KMT2A: variants seen among roughly 807,000 people sequenced by gnomAD.
The protein encoded by KMT2A is histone-lysine N-methyltransferase 2A.
KMT2A carries 16 observed loss-of-function variants against 345.3 expected under a neutral mutation model. The observed-to-expected ratio is 0.05, with a 90% CI of 0.03 to 0.07. KMT2A has a LOEUF of 0.07. KMT2A is among the 10% of genes least tolerant of loss of function. KMT2A has a pLI of 1.00. For missense variants in KMT2A, 3,272 were observed against 4,841.6 expected (o/e 0.68, Z 9.62); for synonymous variants, 1,599 against 1,778.6 (o/e 0.90, Z 2.54).
Position 118,491,151 on chromosome 11 carries a change from G to A in KMT2A, c.4697-45G>A. The A allele has an allele frequency of 1.2e-6, 2 of 1,602,164 alleles. No individual in the cohort carries two copies. Among genetic ancestry groups the A allele is most frequent in the Non-Finnish European group, 1.7e-6 (2 of 1,174,558 alleles). On this transcript the variant is annotated intron_variant, in intron 13 of 35. Transcript: ENST00000534358. This position sits in a 1 kb window ranked among gnomAD's most constrained non-coding sequence, Gnocchi z 4.2. ...GCAAGTCGAGGGCCGTAAAAACACG[G>A]GTATGTGAGCCAAAGCACTGCTGTA...
Position 118,473,137 on chromosome 11 carries a change from G to A in KMT2A, c.1978G>A (p.Asp660Asn). ...NFRPPPLTPEDVGFASGFSAS... is the reference protein window; with the variant it reads ...NFRPPPLTPENVGFASGFSAS... ...CCGACCCCCTCCACTAACTCCCGAG[G>A]ACGTTGGCTTTGCATCTGGTTTTTC... The change falls in exon 3 of 36, where the codon GAC (aspartate) becomes AAC (asparagine). Residue 660 changes from aspartate (D) to asparagine (N), a missense_variant. Coordinates refer to ENST00000534358, the MANE Select transcript of KMT2A (RefSeq NM_001197104.2). The surrounding 1 kb of genome is among the most constrained non-coding windows in gnomAD (Gnocchi z 5.2). 1 of 1,614,132 alleles carries A rather than the reference G, an allele frequency of 6.2e-7. No individual in the cohort carries two copies. Among genetic ancestry groups the A allele is most frequent in the Non-Finnish European group, 8.5e-7 (1 of 1,180,044 alleles).
Position 118,520,163 on chromosome 11 carries a change from G to C in KMT2A, c.11429+99G>C, listed in dbSNP as rs1950926951. The C allele has an allele frequency of 1.3e-6, 1 of 795,926 alleles. No homozygotes were observed. Among genetic ancestry groups the C allele is most frequent in the Non-Finnish European group, 2.0e-6 (1 of 489,372 alleles). The allele number at this position is 795,926 out of a possible 1,614,324, so 49.3% of individuals were successfully genotyped here. A position where few individuals can be genotyped will look rare whatever the true frequency, so the allele number is the denominator to read the frequency against. On this transcript the variant is annotated intron_variant, in intron 33 of 35. Transcript: ENST00000534358. The surrounding 1 kb of genome is among the most constrained non-coding windows in gnomAD (Gnocchi z 4.3). The stretch of plus-strand genomic sequence containing the variant: ...AATTTGTTTGCATCAGAATTTCCTG[G>C]ATAAGATTTAAAAGGACTGAAAACC...
chr11:118,492,324 G>A (rs571191158), intron 15 of KMT2A, among the ~76,000 whole-genome samples: 1 of 152,276 alleles, frequency 6.6e-6, no homozygotes, highest in South Asian at 2.1e-4. Flanking sequence ...GTAATCAACT[G>A]GAAAAACACT....
In KMT2A at chr11:118,506,145, C is replaced by T. The variant is rs781804532; in HGVS notation, c.10253C>T (p.Pro3418Leu). The change falls in exon 27 of 36, where the codon CCC (proline) becomes CTC (leucine). Residue 3418 changes from proline to leucine, a missense_variant. Physicochemically the swap from Pro to Leu is moderately conservative, Grantham distance 98. Around this residue, in one of 27 missense-constraint regions of KMT2A, gnomAD observed 748 missense variants for 922.2 expected, o/e 0.81. Transcript: ENST00000534358. ...CCACAACTGGGGACATCACAGACCC[C>T]CTCTACTGCTGCAATAACAGCGGCA... Reference protein sequence around the residue: ...MFPQLGTSQTPSTAAITAASS... With the variant: ...MFPQLGTSQTLSTAAITAASS... The T allele has an allele frequency of 1.2e-6, 2 of 1,614,194 alleles. No individual in the cohort carries two copies. The highest frequency in any genetic ancestry group is 2.7e-5 in the African/African-American group (2 of 75,036).
intron 5 of KMT2A, among the ~76,000 whole-genome samples, chr11:118,478,659 G>A (rs974842233): frequency 2.0e-5 from 3 of 152,126 alleles, no homozygotes; most frequent in South Asian, 2.1e-4. Context: ...CTGAAATTAT[G>A]TTGACCCAAC....
At chr11:118,499,036 T>C (rs1488965108) in intron 22 of KMT2A, among the ~76,000 whole-genome samples, 2 of 152,238 alleles carry the variant, frequency 1.3e-5, no homozygotes, top group South Asian at 4.1e-4. Flanking sequence ...CCTTCAAGTC[T>C]TTTCATGGCT....
intron 1 of KMT2A, among the ~76,000 whole-genome samples, chr11:118,467,429 T>A (rs1285252473): frequency 6.6e-6 from 1 of 152,008 alleles, no homozygotes; most frequent in Non-Finnish European, 1.5e-5. Flanking sequence ...AAGAGGAGAA[T>A]TTCAGCCTTT....
In KMT2A at chr11:118,504,335, A is replaced by C; in HGVS notation, c.8443A>C (p.Thr2815Pro). ...ATTGGAGTCAAGCCGCAGAGTCCAC[A>C]CAAGTACCCCCTCCGACAAAAATTT... ...SSLESSRRVH[T>P]STPSDKNLLD... Residue 2815 changes from threonine to proline, a missense_variant, in exon 27 of 36, where the codon ACA (threonine) becomes CCA (proline). This residue lies in a region of KMT2A where 100 missense variants were observed against 101.3 expected (regional missense o/e 0.99). Coordinates refer to ENST00000534358, the MANE Select transcript of KMT2A (RefSeq NM_001197104.2). The surrounding 1 kb of genome is among the most constrained non-coding windows in gnomAD (Gnocchi z 6.4). 3.1e-6 allele frequency: 5 copies of C among 1,614,184 alleles called. No homozygotes were observed. Among genetic ancestry groups the C allele is most frequent in the Non-Finnish European group, 4.2e-6 (5 of 1,180,028 alleles).
chr11:118,496,889 A>C lies in KMT2A; in HGVS notation c.5664+522A>C, dbSNP rs1401142061. 2.0e-5 allele frequency among the ~76,000 whole-genome samples: 3 copies of C among 152,218 alleles called. No homozygotes were observed. Among genetic ancestry groups the C allele is most frequent in the African/African-American group, 4.8e-5 (2 of 41,466 alleles). Reference sequence around the variant, plus strand: ...TACCTCAGAGTGGCTGTGAGGATTAAATGAAATAATGTATGTAAAGCCTCT... The same window carrying C: ...TACCTCAGAGTGGCTGTGAGGATTACATGAAATAATGTATGTAAAGCCTCT... On this transcript the variant is annotated intron_variant, in intron 20 of 35. Coordinates refer to ENST00000534358, the MANE Select transcript of KMT2A (RefSeq NM_001197104.2). The surrounding 1 kb of genome is among the most constrained non-coding windows in gnomAD (Gnocchi z 4.7).
chr11:118,453,571 C>G (rs1406355295), intron 1 of KMT2A, among the ~76,000 whole-genome samples: 1 of 152,174 alleles, frequency 6.6e-6, no homozygotes, highest in Non-Finnish European at 1.5e-5. Flanking sequence ...GTCATCTCAT[C>G]CAGGCCTCAT....
chr11:118,445,365 G>A (rs1462758516), intron 1 of KMT2A, among the ~76,000 whole-genome samples: 1 of 152,184 alleles, frequency 6.6e-6, no homozygotes, highest in Non-Finnish European at 1.5e-5. Flanking sequence ...ATCAGGCCAA[G>A]GCAGCTATAA....
In KMT2A at chr11:118,503,808, G is replaced by T; in HGVS notation, c.7916G>T (p.Gly2639Val). 1 of 1,614,190 alleles carries T rather than the reference G, an allele frequency of 6.2e-7. No homozygotes were observed. Among genetic ancestry groups the T allele is most frequent in the Non-Finnish European group, 8.5e-7 (1 of 1,180,028 alleles). ...TTTTTTGGGCTTACCCCACTCTATG[G>T]AGTAAGATCCTATGGTGAAGAAGAC... ...NMFFGLTPLY[G>V]VRSYGEEDIP... Residue 2639 changes from glycine to valine, a missense_variant, in exon 27 of 36, where the codon GGA becomes GTA. Physicochemically the swap from Gly to Val is moderately radical, Grantham distance 109. Transcript: ENST00000534358. The surrounding 1 kb of genome is among the most constrained non-coding windows in gnomAD (Gnocchi z 5.3).
rs1248318762 is a variant in KMT2A at position 118,484,284 on chromosome 11, T to TG, written c.4190dup (p.Val1398SerfsTer9). ...GTTCTAAGCAAAAAATTCCAGCAGA[T>TG]GGAGTCCACAGGATCAGAGTGGACT... On this transcript the variant is annotated frameshift_variant, in exon 9 of 36. Transcript: ENST00000534358. LOFTEE classifies it high-confidence loss of function. The surrounding 1 kb of genome is among the most constrained non-coding windows in gnomAD (Gnocchi z 4.1). 6.2e-7 allele frequency: 1 copy of TG among 1,614,028 alleles called. No homozygotes were observed. The highest frequency in any genetic ancestry group is 8.5e-7 in the Non-Finnish European group (1 of 1,180,010).
Position 118,526,396 on chromosome 11 carries a change from T to C in KMT2A, c.*4224T>C. On this transcript the variant is annotated 3_prime_UTR_variant, in exon 36 of 36. Coordinates refer to ENST00000534358, the MANE Select transcript of KMT2A (RefSeq NM_001197104.2). ...TGTCTTTCAACCAAGAAAATAGAAT[T>C]GTGGTGTTTCTTTTATTGAACTTTT... 1 of 227,446 alleles carries C rather than the reference T, an allele frequency of 4.4e-6. No individual in the cohort carries two copies. The highest frequency in any genetic ancestry group is 8.7e-6 in the Non-Finnish European group (1 of 114,518). The allele number at this position is 227,446 out of a possible 1,614,324, so 14.1% of individuals were successfully genotyped here. A position where few individuals can be genotyped will look rare whatever the true frequency, so the allele number is the denominator to read the frequency against.
chr11:118,525,695 T>C lies in KMT2A; in HGVS notation c.*3523T>C, dbSNP rs1378912519. ...AATGTATCTTTCTAAAGGACTGACG[T>C]TCAATCAAATATCTGAAAATACTAA... On this transcript the variant is annotated 3_prime_UTR_variant, in exon 36 of 36. Coordinates refer to ENST00000534358, the MANE Select transcript of KMT2A (RefSeq NM_001197104.2). 1 of 229,280 alleles carries C rather than the reference T, an allele frequency of 4.4e-6. No homozygotes were observed. The highest frequency in any genetic ancestry group is 2.2e-5 in the African/African-American group (1 of 44,960). 14.2% of individuals were successfully genotyped at this position (229,280 alleles called of 1,614,324 possible).
At chr11:118,460,250 A>G (rs1440697829) in intron 1 of KMT2A, among the ~76,000 whole-genome samples, 4 of 152,152 alleles carry the variant, frequency 2.6e-5, no homozygotes, top group Non-Finnish European at 5.9e-5. Context: ...AAATTTGAAT[A>G]TTTCTCCATG....
Position 118,505,738 on chromosome 11 carries a change from C to T in KMT2A, c.9846C>T (p.His3282=), listed in dbSNP as rs782702303. 1 of 1,614,180 alleles carries T rather than the reference C, an allele frequency of 6.2e-7. No individual in the cohort carries two copies. Residue 3282 remains histidine (H), a synonymous_variant, in exon 27 of 36, where the codon CAC becomes CAT. Transcript: ENST00000534358. This position sits in a 1 kb window ranked among gnomAD's most constrained non-coding sequence, Gnocchi z 4.6. ...TGGGGTCACTTAATACTTCATCTCA[C>T]CGAACTGTCCCCAACATCATAAAAA... is the stretch of plus-strand genomic sequence containing the variant. ...LDLGSLNTSS[H]RTVPNIIKRS...
chr11:118,439,158 C>CA (rs34166714), intron 1 of KMT2A: 54,191 of 265,128 alleles, frequency 0.2, 3,668 homozygotes, highest in African/African-American at 0.35. Flanking sequence ...GATACAGCAG[C>CA]AAAAAAAAAA....
rs76521734 is a variant in KMT2A, at chr11:118,443,031, G to C, written c.432+6087G>C. Reference sequence around the variant, plus strand: ...TTCATTGGTTGTTGAAGAAGGCCTGGGAGAAGGAAGTACAGGATCTTTTAT... The same window carrying C: ...TTCATTGGTTGTTGAAGAAGGCCTGCGAGAAGGAAGTACAGGATCTTTTAT... On this transcript the variant is annotated intron_variant, in intron 1 of 35. Transcript: ENST00000534358. Among the ~76,000 whole-genome samples the C allele has an allele frequency of 3.7e-3, 560 of 152,260 alleles. 8 individuals carry two copies. The highest frequency in any genetic ancestry group is 0.013 in the African/African-American group (547 of 41,546).
Sources: gnomAD v4.1 joint callset for allele counts (sites outside exome capture counted in the v4.1 genomes callset) on GRCh38, gnomAD v4.1.1 for gene constraint, gnomAD v4.1.1 regional missense constraint, Gnocchi (gnomAD v3.1) non-coding constraint, MANE v1.5 for transcripts, NCBI Gene and HGNC (gene_info 2026-07-23, HGNC 2026-07-21) for gene names.